AGRN: variants seen among roughly 807,000 people sequenced by gnomAD.
AGRN encodes the protein agrin, also known as agrin proteoglycan.
AGRN carries 106 observed loss-of-function variants against 211.0 expected under a neutral mutation model. The observed-to-expected ratio is 0.50, with a 90% CI of 0.43 to 0.59. The LOEUF is 0.59. Among genes scored for constraint, AGRN ranks in the 20% least tolerant of loss-of-function variants. AGRN has a pLI of 0.00. For missense variants in AGRN, 3,040 were observed against 2,982.6 expected, an observed-to-expected ratio of 1.02 and a Z score of -0.45; for synonymous variants, 1,525 against 1,332.5, an observed-to-expected ratio of 1.14 and a Z score of -3.15.
chr1:1,040,488 C>T (rs2100628033), intron 3 of AGRN, among the ~76,000 whole-genome samples, 177 bp from the exon 4 acceptor site: 1 of 152,186 alleles, frequency 6.6e-6, no homozygotes, highest in South Asian at 2.1e-4. Context: ...GCGGGGTCTG[C>T]GAGGGGCAGG....
intron 19 of AGRN, 132 bp downstream of exon 19, chr1:1,047,089 G>T: frequency 1.4e-6 from 2 of 1,445,526 alleles, no homozygotes; most frequent in Non-Finnish European, 1.9e-6. Context: ...ACATGTGCGT[G>T]CCGGGGACCC....
At position 1,047,450 on chromosome 1, in the gene AGRN, G is replaced by A. The variant is rs1197523988; in HGVS notation, c.3512G>A (p.Ser1171Asn). 5.6e-6 allele frequency: 9 copies of A among 1,612,692 alleles called. No homozygotes were observed. Among genetic ancestry groups the A allele is most frequent in the Non-Finnish European group, 7.6e-6 (9 of 1,179,952 alleles). Reference sequence around the variant, plus strand: ...GGGGAGACAGCCAGGAGCATTGAGAGCACCGTAAGACGGGGGCGCAGCCCC... The same window carrying A: ...GGGGAGACAGCCAGGAGCATTGAGAACACCGTAAGACGGGGGCGCAGCCCC... Reference protein sequence around the residue: ...LFGETARSIESTLDDLFRNSD... With the variant: ...LFGETARSIENTLDDLFRNSD... Residue 1171 changes from serine to asparagine, a missense_variant, in exon 20 of 36, where the codon AGC becomes AAC. This residue lies in a region of AGRN where 1,537 missense variants were observed against 1,505.0 expected (regional missense o/e 1.02). Transcript: ENST00000379370.
intron 2 of AGRN, among the ~76,000 whole-genome samples, chr1:1,024,085 G>T (rs546204902): frequency 2.0e-5 from 3 of 152,258 alleles, no homozygotes; most frequent in African/African-American, 7.2e-5. Context: ...GGGAGCCTCA[G>T]GAGGGAAACA....
At chr1:1,036,269 G>A (rs1236221614) in intron 3 of AGRN, among the ~76,000 whole-genome samples, 1 of 152,160 alleles carries the variant, frequency 6.6e-6, no homozygotes, top group African/African-American at 2.4e-5. Context: ...ATGGCTGGAG[G>A]AGGTGGCCAG....
At chr1:1,029,898 T>C (rs28433148) in intron 2 of AGRN, among the ~76,000 whole-genome samples, 32,877 of 41,300 alleles carry the variant, frequency 0.8, 14,339 homozygotes, top group East Asian at 1. Context: ...GTGAGATCAG[T>C]GTGTGTGTGT....
intron 2 of AGRN, among the ~76,000 whole-genome samples, chr1:1,026,156 A>C (rs1644517044): frequency 6.6e-6 from 1 of 152,114 alleles, no homozygotes; most frequent in African/African-American, 2.4e-5. Context: ...CCCCACCCAG[A>C]GAACAGCCCT....
chr1:1,048,881 G>A lies in AGRN; in HGVS notation c.4120G>A (p.Val1374Met). 9.1e-6 allele frequency: 14 copies of A among 1,540,154 alleles called. No homozygotes were observed. The highest frequency in any genetic ancestry group is 1.2e-5 in the Non-Finnish European group (14 of 1,142,730). Residue 1374 changes from valine (V) to methionine (M), a missense_variant, in exon 24 of 36, where the codon GTG becomes ATG. Physicochemically the swap from Val to Met is conservative, Grantham distance 21. This residue lies in a region of AGRN where 1,537 missense variants were observed against 1,505.0 expected (regional missense o/e 1.02). Coordinates refer to ENST00000379370, the MANE Select transcript of AGRN (RefSeq NM_198576.4). This position sits in a 1 kb window ranked among gnomAD's most constrained non-coding sequence, Gnocchi z 5.9. ...AVCEKVLGAPVPAFEGRSFLA... is the reference protein window; with the variant it reads ...AVCEKVLGAPMPAFEGRSFLA... ...GCCCTTTGCAGTGCTTGGCGCCCCT[G>A]TGCCGGCCTTCGAGGGCCGCTCCTT...
intron 35 of AGRN, 108 bp downstream of exon 35, chr1:1,054,659 G>C: frequency 6.7e-7 from 1 of 1,481,712 alleles, no homozygotes; most frequent in Non-Finnish European, 9.1e-7. Flanking sequence ...CATGTGAGCC[G>C]GCGGGCTGGG....
chr1:1,045,893 G>A lies in AGRN; in HGVS notation c.2680+17G>A, dbSNP rs747171342. The A allele has an allele frequency of 7.5e-6, 12 of 1,610,146 alleles. No homozygotes were observed. The highest frequency in any genetic ancestry group is 1.6e-4 in the Middle Eastern group (1 of 6,084). The stretch of plus-strand genomic sequence containing the variant: ...GTGAAGCTGGTGAGTGAGGGCCAGC[G>A]CTACCCTGGGGCTTCATGGGGTGGG... On this transcript the variant is annotated intron_variant, in intron 15 of 35. Transcript: ENST00000379370.
At chr1:1,050,615 G>A in intron 29 of AGRN, 24 bp downstream of exon 29, 1 of 1,605,738 alleles carries the variant, frequency 6.2e-7, no homozygotes, top group South Asian at 1.1e-5. Context: ...GGTGGCTCTG[G>A]GAGGCCTGGG....
intron 3 of AGRN, 41 bp downstream of exon 3, chr1:1,035,365 C>A: frequency 6.2e-7 from 1 of 1,610,034 alleles, no homozygotes; most frequent in Non-Finnish European, 8.5e-7. Context: ...TGGGCTGTGG[C>A]ACTCTTGGGA....
intron 2 of AGRN, among the ~76,000 whole-genome samples, chr1:1,030,261 G>A (rs1438514102): frequency 3.7e-4 from 39 of 105,680 alleles, no homozygotes; most frequent in Non-Finnish European, 4.1e-4. Flanking sequence ...TGAGATCAGC[G>A]TGTGTGTGTG....
At position 1,050,538 on chromosome 1, in the gene AGRN, G is replaced by A. The variant is rs747850705; in HGVS notation, c.5088G>A (p.Arg1696=). The change falls in exon 29 of 36, where the codon CGG becomes CGA. Residue 1696 remains arginine (R), a synonymous_variant. Transcript: ENST00000379370. ...GGGACTTCGTGTCGCTGGCACTGCG[G>A]GACCGCCGCCTGGAGTTCCGCTACG... ...GKGDFVSLAL[R]DRRLEFRYDL... is the part of the protein sequence containing the mutation. The A allele has an allele frequency of 1.2e-6, 2 of 1,612,688 alleles. No homozygotes were observed. Among genetic ancestry groups the A allele is most frequent in the Non-Finnish European group, 8.5e-7 (1 of 1,179,822 alleles).
chr1:1,049,068 G>A lies in AGRN; in HGVS notation c.4298+9G>A, dbSNP rs774692884. ...GGCCGCGTGCAGCTCAGGTGGGCGG[G>A]GAGGGGACGGGGCCGGGGCAGCTCA... On this transcript the variant is annotated intron_variant, in intron 24 of 35. Transcript: ENST00000379370. The A allele has an allele frequency of 1.8e-5, 28 of 1,518,020 alleles. No individual in the cohort carries two copies. In the Admixed American group the frequency reaches 5.2e-4, roughly 28 times the overall value. The allele number at this position is 1,518,020 out of a possible 1,614,324, so 94.0% of individuals were successfully genotyped here.
At position 1,043,413 on chromosome 1, in the gene AGRN, G is replaced by A. The variant is rs1378710579; in HGVS notation, c.1559G>A (p.Cys520Tyr). 3 of 1,608,078 alleles carry A rather than the reference G, an allele frequency of 1.9e-6. No homozygotes were observed. Among genetic ancestry groups the A allele is most frequent in the Non-Finnish European group, 2.5e-6 (3 of 1,178,382 alleles). The change falls in exon 8 of 36, where the codon TGT (cysteine) becomes TAT (tyrosine). Residue 520 changes from cysteine (C) to tyrosine (Y), a missense_variant. By Grantham distance (194) the Cys-to-Tyr change is radical. This residue lies in a region of AGRN where 1,498 missense variants were observed against 1,457.8 expected (regional missense o/e 1.03). Coordinates refer to ENST00000379370, the MANE Select transcript of AGRN (RefSeq NM_198576.4). ...GSACELEATA[C>Y]TLGREIQVAR... ...GCGTGCGAGCTGGAGGCCACGGCCTGTACCCTCGGGCGGGAGATCCAGGTG... is the reference window on the plus strand; with the variant it reads ...GCGTGCGAGCTGGAGGCCACGGCCTATACCCTCGGGCGGGAGATCCAGGTG...
rs1645120021 is a variant in AGRN at position 1,047,106 on chromosome 1, T to C, written c.3388+149T>C. ...ATGTGCGTGCCGGGGACCCCACGCCTAACCCGTCTCTCTCGTTGCAAGCCG... is the reference window on the plus strand; with the variant it reads ...ATGTGCGTGCCGGGGACCCCACGCCCAACCCGTCTCTCTCGTTGCAAGCCG... On this transcript the variant is annotated intron_variant, in intron 19 of 35. Coordinates refer to ENST00000379370, the MANE Select transcript of AGRN (RefSeq NM_198576.4). The C allele has an allele frequency of 4.3e-6, 6 of 1,404,244 alleles. No individual in the cohort carries two copies. The South Asian group carries it at 5.6e-5, about 13-fold the overall frequency. The allele number at this position is 1,404,244 out of a possible 1,614,324, so 87.0% of individuals were successfully genotyped here.
Position 1,055,832 on chromosome 1 carries a change from G to A in AGRN, c.*851G>A, listed in dbSNP as rs1557729035. On this transcript the variant is annotated 3_prime_UTR_variant, in exon 36 of 36. Coordinates refer to ENST00000379370, the MANE Select transcript of AGRN (RefSeq NM_198576.4). ...ACTGCAAATCCTCCCCACAGCGTCA[G>A]TGAAAGTCGTCCTTGTCTCAGAATG... 6.6e-6 allele frequency: 1 copy of A among 152,400 alleles called. No individual in the cohort carries two copies. The highest frequency in any genetic ancestry group is 1.5e-5 in the Non-Finnish European group (1 of 68,168). The allele number at this position is 152,400 out of a possible 1,614,324, so 9.4% of individuals were successfully genotyped here. A position where few individuals can be genotyped will look rare whatever the true frequency, so the allele number is the denominator to read the frequency against.
rs145696739 is a variant in AGRN at position 1,036,092 on chromosome 1, C to G, written c.511+768C>G. On this transcript the variant is annotated intron_variant, in intron 3 of 35. Transcript: ENST00000379370. ...CTGCCCCATCACTGGGTCTCACTTG[C>G]GTTCAGTTGTGTGTGCAGGGCTGTC... Among the ~76,000 whole-genome samples the G allele has an allele frequency of 3.2e-3, 482 of 152,204 alleles. 3 individuals carry two copies. Among genetic ancestry groups the G allele is most frequent in the African/African-American group, 0.01 (430 of 41,524 alleles).
At chr1:1,051,169 TG>T in intron 30 of AGRN, 83 bp from the exon 31 acceptor site, 1 of 468,802 alleles carries the variant, frequency 2.1e-6, no homozygotes, top group Non-Finnish European at 4.0e-6. Flanking sequence ...AATGGGCGGG[TG>T]GGGCGGGTGC....
Sources: allele counts gnomAD v4.1 joint callset (sites outside exome capture counted in the v4.1 genomes callset), GRCh38; gene constraint gnomAD v4.1.1; regional missense constraint gnomAD v4.1.1; non-coding constraint Gnocchi (gnomAD v3.1); transcripts MANE v1.5; gene names NCBI Gene and HGNC (gene_info 2026-07-23, HGNC 2026-07-21).